FRMD4B: variants seen among roughly 807,000 people sequenced by gnomAD.
FRMD4B encodes the protein FERM domain-containing protein 4B.
A neutral mutation model predicts 141.5 loss-of-function variants in FRMD4B; 74 were observed. The observed-to-expected ratio is 0.52, with a 90% CI of 0.43 to 0.63. The LOEUF (loss-of-function observed/expected upper bound fraction) is 0.63, where lower values mean the gene tolerates loss of function less well. FRMD4B is among the 30% of genes least tolerant of loss of function. The pLI is 0.00. For missense variants in FRMD4B, 1,366 were observed against 1,253.4 expected (o/e 1.09, Z -1.36); for synonymous variants, 506 against 467.9 (o/e 1.08, Z -1.05).
At chr3:69,304,574 C>A (rs1701333595) in intron 3 of FRMD4B, among the ~76,000 whole-genome samples, 1 of 151,236 alleles carries the variant, frequency 6.6e-6, no homozygotes, top group Admixed American at 6.6e-5. Context: ...GAGATTTAAG[C>A]ACGTACTTGT....
intron 1 of FRMD4B, among the ~76,000 whole-genome samples, chr3:69,363,248 G>GTTTTTTTTTTTT (rs56074743): frequency 7.5e-6 from 1 of 132,754 alleles, no homozygotes. Flanking sequence ...TTTTTACCAT[G>GTTTTTTTTTTTT]TTTTTTTTTT....
intron 1 of FRMD4B, among the ~76,000 whole-genome samples, chr3:69,350,300 C>T (rs1217992622): frequency 7.2e-5 from 11 of 152,162 alleles, no homozygotes; most frequent in African/African-American, 2.4e-4. Context: ...GTTAGAATGG[C>T]GATCATTAAA....
intron 11 of FRMD4B, among the ~76,000 whole-genome samples, chr3:69,204,567 T>G (rs1364197241): frequency 6.6e-6 from 1 of 152,188 alleles, no homozygotes; most frequent in Non-Finnish European, 1.5e-5. Context: ...TTTTTTCATT[T>G]TGAAAGATTA....
intron 1 of FRMD4B, among the ~76,000 whole-genome samples, chr3:69,377,477 T>C (rs1302766556): frequency 6.6e-6 from 1 of 152,234 alleles, no homozygotes; most frequent in Non-Finnish European, 1.5e-5. Context: ...GCTTTGGTCC[T>C]AGCACCTGTT....
chr3:69,469,844 T>C (rs576651400), intron 1 of FRMD4B, among the ~76,000 whole-genome samples: 1 of 152,216 alleles, frequency 6.6e-6, no homozygotes, highest in Non-Finnish European at 1.5e-5. Context: ...AAATGATGCA[T>C]GAGAAGCCAC....
chr3:69,291,428 T>C (rs754308587), intron 4 of FRMD4B, among the ~76,000 whole-genome samples: 30 of 152,220 alleles, frequency 2.0e-4, no homozygotes, highest in Non-Finnish European at 3.1e-4. Flanking sequence ...GATTGTGACA[T>C]TTAATAAGTA....
intron 5 of FRMD4B, among the ~76,000 whole-genome samples, chr3:69,256,557 TG>T (rs1328910809): frequency 6.6e-6 from 1 of 152,182 alleles, no homozygotes; most frequent in Non-Finnish European, 1.5e-5. Flanking sequence ...TGACTTCAAG[TG>T]ATTCGCCTGC....
At chr3:69,490,318 T>C (rs1706281719) in intron 1 of FRMD4B, among the ~76,000 whole-genome samples, 1 of 152,232 alleles carries the variant, frequency 6.6e-6, no homozygotes, top group South Asian at 2.1e-4. Flanking sequence ...AGAAAGGGTC[T>C]CTTAATCTTG....
Position 69,287,851 on chromosome 3 carries a change from A to AG in FRMD4B, c.417-16dup. 7.6e-7 allele frequency: 1 copy of AG among 1,312,712 alleles called. No homozygotes were observed. Among genetic ancestry groups the AG allele is most frequent in the South Asian group, 1.3e-5 (1 of 79,518 alleles). 81.3% of individuals were successfully genotyped at this position (1,312,712 alleles called of 1,614,324 possible). Reference sequence around the variant, plus strand: ...CAATGTAAAACCTGAAAAACAGCAGAGGAGTTTGTTCCTTCAGATTTATTT... The same window carrying AG: ...CAATGTAAAACCTGAAAAACAGCAGAGGGAGTTTGTTCCTTCAGATTTATTT... On this transcript the variant is annotated splice_polypyrimidine_tract_variant and intron_variant, in intron 4 of 22. Coordinates refer to ENST00000398540, the MANE Select transcript of FRMD4B (RefSeq NM_015123.3).
chr3:69,485,536 T>A (rs1026035442), intron 1 of FRMD4B, among the ~76,000 whole-genome samples: 10 of 152,180 alleles, frequency 6.6e-5, no homozygotes, highest in Admixed American at 2.0e-4. Flanking sequence ...AGCCACAGCT[T>A]GGGCAGCTGC....
In FRMD4B at chr3:69,187,682, G is replaced by A. The variant is rs993984265; in HGVS notation, c.1919+88C>T. ...CTTTTGGAAGGATAAATAAAAACAT[G>A]TGAAAATGTATCAACCATACATTGC... On this transcript the variant is annotated intron_variant, in intron 19 of 22. Coordinates refer to ENST00000398540, the MANE Select transcript of FRMD4B (RefSeq NM_015123.3). The A allele has an allele frequency of 5.8e-6, 7 of 1,207,970 alleles. No homozygotes were observed. In the Admixed American group the frequency reaches 7.9e-5, roughly 14 times the overall value. 74.8% of individuals were successfully genotyped at this position (1,207,970 alleles called of 1,614,324 possible). A position where few individuals can be genotyped will look rare whatever the true frequency, so the allele number is the denominator to read the frequency against.
intron 5 of FRMD4B, among the ~76,000 whole-genome samples, chr3:69,260,245 C>T (rs1211328367): frequency 2.6e-5 from 4 of 152,188 alleles, no homozygotes; most frequent in Non-Finnish European, 5.9e-5. Context: ...CTGGCTCCCT[C>T]TGCTTGCGGG....
intron 1 of FRMD4B, chr3:69,541,259 C>T (rs576054680): frequency 6.6e-6 from 1 of 152,306 alleles, no homozygotes; most frequent in East Asian, 1.9e-4. Flanking sequence ...CGTCTGGGTA[C>T]CAGCAAACAC....
chr3:69,487,741 GT>G (rs1353432934), intron 1 of FRMD4B, among the ~76,000 whole-genome samples: 1 of 152,216 alleles, frequency 6.6e-6, no homozygotes, highest in Non-Finnish European at 1.5e-5. Context: ...TGCTGAGGCA[GT>G]TGGAGTGCTA....
chr3:69,351,170 G>T (rs925030837), intron 1 of FRMD4B, among the ~76,000 whole-genome samples: 12 of 151,968 alleles, frequency 7.9e-5, no homozygotes, highest in African/African-American at 2.7e-4. Context: ...GTTTAACCTT[G>T]CCAAATCACA....
intron 7 of FRMD4B, among the ~76,000 whole-genome samples, chr3:69,243,406 T>C (rs567930479): frequency 1.3e-5 from 2 of 152,246 alleles, no homozygotes; most frequent in South Asian, 4.1e-4. Context: ...AAGAGAGGCA[T>C]GAGCAGATAC....
chr3:69,338,998 C>T (rs768130676), intron 1 of FRMD4B, among the ~76,000 whole-genome samples: 9 of 152,086 alleles, frequency 5.9e-5, no homozygotes, highest in Non-Finnish European at 1.2e-4. Context: ...GGTTAATATC[C>T]AAGCACAGAT....
intron 1 of FRMD4B, among the ~76,000 whole-genome samples, chr3:69,503,607 C>A (rs904597906): frequency 6.6e-6 from 1 of 151,956 alleles, no homozygotes; most frequent in African/African-American, 2.4e-5. Context: ...ATGGGTGCAG[C>A]ACACTAATAT....
At chr3:69,540,636 A>AAAAAAAAAAAAATATATAT (rs1553652109) in intron 1 of FRMD4B, among the ~76,000 whole-genome samples, 1 of 69,538 alleles carries the variant, frequency 1.4e-5, no homozygotes, top group African/African-American at 8.3e-5. Context: ...AAAAAAAAAA[A>AAAAAAAAAAAAATATATAT]ATATATATAT....
Sources: gnomAD v4.1 joint callset for allele counts (sites outside exome capture counted in the v4.1 genomes callset) on GRCh38, gnomAD v4.1.1 for gene constraint, MANE v1.5 for transcripts, NCBI Gene and HGNC (gene_info 2026-07-23, HGNC 2026-07-21) for gene names.